The following PCYT1B variants were observed in gnomAD, a reference collection of about 807,000 sequenced individuals.
PCYT1B encodes the protein phosphate cytidylyltransferase 1B, choline.
PCYT1B carries 10 observed loss-of-function variants against 26.4 expected under a neutral mutation model. The ratio of observed to expected loss-of-function variants is 0.38; its 90% CI spans 0.23 to 0.64. The LOEUF is 0.64. PCYT1B is among the 30% of genes least tolerant of loss of function. PCYT1B has a pLI of 0.56. For synonymous variants in PCYT1B, 131 were observed against 108.4 expected (o/e 1.21, Z -1.29); for missense variants, 161 against 292.7 (o/e 0.55, Z 3.28).
chrX:24,633,545 G>T (rs1041834969), intron 1 of PCYT1B, among the ~76,000 whole-genome samples: 1 of 110,528 alleles, frequency 9.0e-6, no homozygotes, highest in Non-Finnish European at 1.9e-5. Context: ...GTCGTTACAT[G>T]CGCCTGTAAT....
At chrX:24,623,364 CATATATATATATATATATATATAT>C (rs57642734) in intron 1 of PCYT1B, among the ~76,000 whole-genome samples, 3 of 79,679 alleles carry the variant, frequency 3.8e-5, no homozygotes, top group African/African-American at 4.7e-5. Context: ...ATGAGATTTA[CATATATATATATATATATATATAT>C]ATATATATAT....
At chrX:24,563,275 G>C (rs1027376553) in intron 7 of PCYT1B, among the ~76,000 whole-genome samples, 3 of 112,066 alleles carry the variant, frequency 2.7e-5, no homozygotes, top group Non-Finnish European at 5.6e-5. Flanking sequence ...GTGGGGCTGG[G>C]AGCAGGGCAG....
intron 1 of PCYT1B, among the ~76,000 whole-genome samples, chrX:24,636,133 C>T (rs1169681645): frequency 1.8e-5 from 2 of 112,117 alleles, no homozygotes; most frequent in Non-Finnish European, 3.8e-5. Context: ...GGGCTGAGCA[C>T]TTTGAAGCTC....
chrX:24,589,550 G>T (rs1414421820), intron 4 of PCYT1B, among the ~76,000 whole-genome samples: 1 of 111,977 alleles, frequency 8.9e-6, no homozygotes, highest in Non-Finnish European at 1.9e-5. Context: ...CCATGAAAAA[G>T]AATGCCTGTG....
intron 2 of PCYT1B, among the ~76,000 whole-genome samples, chrX:24,609,083 C>T (rs754166614): frequency 1.8e-5 from 2 of 111,990 alleles, no homozygotes; most frequent in East Asian, 2.8e-4. Context: ...CTCATCTCCA[C>T]GGCTACAAAC....
intron 1 of PCYT1B, among the ~76,000 whole-genome samples, chrX:24,662,924 A>G (rs1440151255): frequency 2.7e-5 from 3 of 111,878 alleles, no homozygotes; most frequent in Admixed American, 1.9e-4. Context: ...GTGATTAGTT[A>G]TACTTTTACC....
intron 1 of PCYT1B, among the ~76,000 whole-genome samples, chrX:24,666,206 G>A (rs1050574644): frequency 9.0e-6 from 1 of 111,274 alleles, no homozygotes; most frequent in Non-Finnish European, 1.9e-5. Flanking sequence ...AAACTCAGGA[G>A]TTTCTCTGGG....
rs1408109287 is a variant in PCYT1B, at chrX:24,561,222, G to A, written c.*1071C>T. ...CCAAGGATTTCAGAGGAGTATTATG[G>A]TGGAGCGCAGGAGTGGGGTCTATTA... On this transcript the variant is annotated 3_prime_UTR_variant, in exon 8 of 8. Coordinates refer to ENST00000379144, the MANE Select transcript of PCYT1B (RefSeq NM_004845.5). 5.3e-5 allele frequency: 6 copies of A among 112,384 alleles called. No homozygotes were observed. Among genetic ancestry groups the A allele is most frequent in the East Asian group, 2.8e-4 (1 of 3,593 alleles). The allele number at this position is 112,384 out of a possible 1,213,427, so 9.3% of individuals were successfully genotyped here. A position where few individuals can be genotyped will look rare whatever the true frequency, so the allele number is the denominator to read the frequency against.
At chrX:24,607,147 C>G (rs1177933467) in intron 3 of PCYT1B, among the ~76,000 whole-genome samples, 1 of 112,048 alleles carries the variant, frequency 8.9e-6, no homozygotes, top group Non-Finnish European at 1.9e-5. Context: ...CCACATCTAA[C>G]GATCCTTCTC....
chrX:24,568,723 C>T (rs1161497661), intron 7 of PCYT1B, among the ~76,000 whole-genome samples: 2 of 111,592 alleles, frequency 1.8e-5, no homozygotes, highest in Admixed American at 1.9e-4. Context: ...CTCATGACCA[C>T]CTCTCTTGTA....
At chrX:24,569,513 A>G (rs767278900) in intron 7 of PCYT1B, among the ~76,000 whole-genome samples, 9 of 112,398 alleles carry the variant, frequency 8.0e-5, no homozygotes, top group Non-Finnish European at 1.7e-4. Flanking sequence ...ACATCCATCA[A>G]TGGAACAATG....
intron 2 of PCYT1B, among the ~76,000 whole-genome samples, chrX:24,614,059 T>C (rs949342038): frequency 3.6e-5 from 4 of 111,222 alleles, no homozygotes; most frequent in Non-Finnish European, 7.6e-5. Flanking sequence ...TCTCCTGGAC[T>C]TTTCCTTTAT....
chrX:24,669,233 G>A (rs1214426049), intron 1 of PCYT1B, among the ~76,000 whole-genome samples: 2 of 111,588 alleles, frequency 1.8e-5, no homozygotes, highest in African/African-American at 6.5e-5. Context: ...CACTTAAAAT[G>A]TGGCTAGTGT....
chrX:24,565,807 A>G (rs1279152782), intron 7 of PCYT1B, among the ~76,000 whole-genome samples: 1 of 110,544 alleles, frequency 9.0e-6, no homozygotes, highest in African/African-American at 3.3e-5. Flanking sequence ...AACACCATGA[A>G]ATAAGAAAAA....
chrX:24,611,909 G>T (rs899616660), intron 2 of PCYT1B, among the ~76,000 whole-genome samples: 4 of 109,373 alleles, frequency 3.7e-5, no homozygotes, highest in Non-Finnish European at 5.7e-5. Flanking sequence ...GGAGGCAGAG[G>T]TTGCAGTGAG....
At chrX:24,636,889 C>T (rs1926288420) in intron 1 of PCYT1B, among the ~76,000 whole-genome samples, 1 of 112,031 alleles carries the variant, frequency 8.9e-6, no homozygotes, top group Non-Finnish European at 1.9e-5. Context: ...GTAGATTCTT[C>T]AATCTCACTG....
rs748646678 is a variant in PCYT1B at position 24,590,007 on chromosome X, G to A, written c.486+16C>T. 3 of 1,182,671 alleles carry A rather than the reference G, an allele frequency of 2.5e-6. No homozygotes were observed. The highest frequency in any genetic ancestry group is 3.4e-6 in the Non-Finnish European group (3 of 875,233). ...CTAATCTTGCTACTTAGAGAATGTG[G>A]GAGAATGAGAAGTACCTTGTGTTTT... On this transcript the variant is annotated intron_variant, in intron 4 of 7. Coordinates refer to ENST00000379144, the MANE Select transcript of PCYT1B (RefSeq NM_004845.5).
intron 5 of PCYT1B, among the ~76,000 whole-genome samples, chrX:24,584,707 C>T (rs1019633943): frequency 3.6e-5 from 4 of 111,686 alleles, no homozygotes; most frequent in Non-Finnish European, 7.5e-5. Flanking sequence ...AAATAGTATC[C>T]AATGTTGTTT....
chrX:24,593,461 T>TTTTCTTTTCTTTTCTTTTCTTTTC (rs1924658831), intron 3 of PCYT1B, among the ~76,000 whole-genome samples: 1 of 16,961 alleles, frequency 5.9e-5, no homozygotes, highest in African/African-American at 3.8e-4. Flanking sequence ...TTTTCTTTTC[T>TTTTCTTTTCTTTTCTTTTCTTTTC]TTTCTTTTCT....
Sources: gnomAD v4.1 joint callset for allele counts (sites outside exome capture counted in the v4.1 genomes callset) on GRCh38, gnomAD v4.1.1 for gene constraint, MANE v1.5 for transcripts, NCBI Gene and HGNC (gene_info 2026-07-23, HGNC 2026-07-21) for gene names.